Variants in RTTN observed in about 807,000 individuals in gnomAD.
RTTN encodes the protein rotatin.
RTTN carries 182 observed loss-of-function variants against 269.2 expected under a neutral mutation model. The ratio of observed to expected loss-of-function variants is 0.68; its 90% CI spans 0.60 to 0.76. The LOEUF (loss-of-function observed/expected upper bound fraction) is 0.76. Ranked by LOEUF, RTTN falls within the 30% of genes least tolerant of loss-of-function variation. The pLI, the probability that RTTN is intolerant of heterozygous loss-of-function variation, is 0.00. For missense variants in RTTN, 2,545 were observed against 2,608.6 expected (o/e 0.98, Z 0.53); for synonymous variants, 1,006 against 963.5 (o/e 1.04, Z -0.82).
At chr18:70,126,765 G>A (rs1323512949) in intron 25 of RTTN, among the ~76,000 whole-genome samples, 1 of 151,930 alleles carries the variant, frequency 6.6e-6, no homozygotes, top group Admixed American at 6.6e-5. Flanking sequence ...TGCATTAGTG[G>A]GCACCAGCAC....
At chr18:70,020,892 C>T (rs1599133766) in intron 44 of RTTN, 75 bp from the exon 45 acceptor site, 1 of 1,232,994 alleles carries the variant, frequency 8.1e-7, no homozygotes, top group East Asian at 2.4e-5. Flanking sequence ...AGTGGCAAAG[C>T]ATATCTGTCT....
At chr18:70,042,370 T>C (rs1427552576) in intron 40 of RTTN, among the ~76,000 whole-genome samples, 1 of 125,830 alleles carries the variant, frequency 7.9e-6, no homozygotes, top group African/African-American at 3.4e-5. Flanking sequence ...AATTTTCTTT[T>C]TTTTTTTTTT....
intron 15 of RTTN, 26 bp downstream of exon 15, chr18:70,150,582 A>G: frequency 6.2e-7 from 1 of 1,605,450 alleles, no homozygotes; most frequent in Non-Finnish European, 8.5e-7. Flanking sequence ...TTACTGTAAT[A>G]TTTTCACTCA....
chr18:70,205,226 G>C lies in RTTN; in HGVS notation c.121C>G (p.Gln41Glu), dbSNP rs770920510. 6.2e-7 allele frequency: 1 copy of C among 1,614,200 alleles called. No homozygotes were observed. Among genetic ancestry groups the C allele is most frequent in the Non-Finnish European group, 8.5e-7 (1 of 1,180,020 alleles). The change falls in exon 2 of 49, where the codon CAG becomes GAG. Residue 41 changes from glutamine to glutamate, a missense_variant. By Grantham distance (29) the Gln-to-Glu change is conservative. Transcript: ENST00000640769. The part of the protein sequence containing the change: ...HNLICYADLI[Q>E]ERQLFLHLLE... ...AAATGAAGAAAAAGTTGCCTCTCCT[G>C]AATGAGATCAGCGTAGCAGATTAAG...
chr18:70,203,738 G>C (rs1192047366), intron 3 of RTTN, among the ~76,000 whole-genome samples: 1 of 152,124 alleles, frequency 6.6e-6, no homozygotes, highest in Admixed American at 6.5e-5. Flanking sequence ...ACTCCAATAT[G>C]ACGAACAAGG....
intron 11 of RTTN, among the ~76,000 whole-genome samples, chr18:70,171,336 TAA>T (rs1489432794): frequency 6.6e-6 from 1 of 152,220 alleles, no homozygotes; most frequent in African/African-American, 2.4e-5. Context: ...TGTTCTAGTT[TAA>T]GAGAGTTCTC....
chr18:70,187,440 A>C (rs1191601430), intron 10 of RTTN, among the ~76,000 whole-genome samples: 1 of 152,202 alleles, frequency 6.6e-6, no homozygotes, highest in Non-Finnish European at 1.5e-5. Context: ...AAACATCTTA[A>C]AGGTAACTGG....
chr18:70,010,346 T>C (rs953923109), intron 46 of RTTN, among the ~76,000 whole-genome samples: 2 of 152,226 alleles, frequency 1.3e-5, no homozygotes, highest in East Asian at 1.9e-4. Context: ...AGTAAAACAC[T>C]CCTCAGCAAA....
At chr18:70,005,384 A>G (rs956129460) in intron 47 of RTTN, 117 bp from the exon 48 acceptor site, 4 of 601,706 alleles carry the variant, frequency 6.6e-6, no homozygotes, top group Non-Finnish European at 1.1e-5. Flanking sequence ...ATATAATAAT[A>G]TAACTAGAGA....
In RTTN at chr18:70,018,602, CTGAG is replaced by C. The variant is rs2056610042; in HGVS notation, c.6154-932_6154-929del. Among the ~76,000 whole-genome samples, 6 of 152,302 alleles carry C rather than the reference CTGAG, an allele frequency of 3.9e-5. No homozygotes were observed. The South Asian group carries it at 1.2e-3, about 32-fold the overall frequency. The stretch of plus-strand genomic sequence containing the variant: ...CTTAACGTTTTTATACAAAAGGACT[CTGAG>C]TGTTAAGAATGAAATGAGCTACAGA... On this transcript the variant is annotated intron_variant, in intron 45 of 48. Transcript: ENST00000640769.
chr18:70,035,278 A>C (rs1258913094), intron 40 of RTTN, among the ~76,000 whole-genome samples: 2 of 152,218 alleles, frequency 1.3e-5, no homozygotes, highest in African/African-American at 4.8e-5. Context: ...AAAAAGAAAA[A>C]AGCTGGAGGC....
At chr18:70,057,860 T>C in intron 36 of RTTN, 28 bp from the exon 37 acceptor site, 1 of 1,501,426 alleles carries the variant, frequency 6.7e-7, no homozygotes, top group Non-Finnish European at 9.2e-7. Context: ...AGAAAATCCT[T>C]CAGAAGATTA....
intron 32 of RTTN, among the ~76,000 whole-genome samples, chr18:70,076,406 A>G (rs1444395785): frequency 2.0e-5 from 3 of 152,032 alleles, no homozygotes; most frequent in Admixed American, 6.6e-5. Context: ...ACCTTTAACC[A>G]TAAGATTTGT....
Position 70,128,353 on chromosome 18 carries a change from CT to C in RTTN, c.3143+4del. On this transcript the variant is annotated splice_donor_region_variant and intron_variant, in intron 24 of 48. Coordinates refer to ENST00000640769, the MANE Select transcript of RTTN (RefSeq NM_173630.4). ...AATGCTTTTTAAACTAATATAAGAG[CT>C]TACTCTTGCGTTTTAGTTTCAGAGT... The C allele has an allele frequency of 6.2e-7, 1 of 1,607,100 alleles. No homozygotes were observed. Among genetic ancestry groups the C allele is most frequent in the Non-Finnish European group, 8.5e-7 (1 of 1,175,264 alleles).
At chr18:70,059,402 C>CT (rs2057911209) in intron 36 of RTTN, among the ~76,000 whole-genome samples, 2 of 152,034 alleles carry the variant, frequency 1.3e-5, no homozygotes, top group African/African-American at 4.8e-5. Flanking sequence ...TATCAGAATA[C>CT]TTTTTGATGA....
rs2056144160 is a variant in RTTN at position 70,005,155 on chromosome 18, A to G, written c.6595+43T>C. On this transcript the variant is annotated intron_variant, in intron 48 of 48. Coordinates refer to ENST00000640769, the MANE Select transcript of RTTN (RefSeq NM_173630.4). The stretch of plus-strand genomic sequence containing the variant: ...TCATTAATCAGAAAATCCACTTAAT[A>G]GCTTCTGAGTTTAACTATAATCTCT... 2.8e-6 allele frequency: 4 copies of G among 1,447,050 alleles called. No individual in the cohort carries two copies. The South Asian group carries it at 4.9e-5, about 18-fold the overall frequency. 89.6% of individuals were successfully genotyped at this position (1,447,050 alleles called of 1,614,324 possible).
At chr18:70,005,515 T>A (rs11151554) in intron 47 of RTTN, 1 of 352,988 alleles carries the variant, frequency 2.8e-6, no homozygotes, top group Non-Finnish European at 5.1e-6. Flanking sequence ...TTCCCTTCTC[T>A]TTTACTCCTT....
At chr18:70,197,787 G>T in intron 5 of RTTN, 49 bp from the exon 6 acceptor site, 1 of 1,175,086 alleles carries the variant, frequency 8.5e-7, no homozygotes, top group Non-Finnish European at 1.3e-6. Flanking sequence ...ATCTATTCCA[G>T]ATTCTAAGTA....
intron 7 of RTTN, chr18:70,194,768 A>C (rs186107218): frequency 3.3e-5 from 5 of 152,344 alleles, no homozygotes; most frequent in African/African-American, 1.2e-4. Flanking sequence ...ACAGAAAGTA[A>C]ATTAGAGTTT....
Sources: allele counts gnomAD v4.1 joint callset (sites outside exome capture counted in the v4.1 genomes callset), GRCh38; gene constraint gnomAD v4.1.1; transcripts MANE v1.5; gene names NCBI Gene and HGNC (gene_info 2026-07-23, HGNC 2026-07-21).